Variants in DAPK1 observed in about 807,000 individuals in gnomAD.
DAPK1 encodes the protein death-associated protein kinase 1.
In DAPK1, 56 loss-of-function variants were observed where a neutral mutation model predicts 144.9. That is an observed-to-expected ratio of 0.39 (90% CI 0.31 to 0.48). The LOEUF (loss-of-function observed/expected upper bound fraction) is 0.48. Among genes scored for constraint, DAPK1 ranks in the 20% least tolerant of loss-of-function variants. The probability of loss-of-function intolerance (pLI) is 0.95; values close to 1 mark genes in which losing one functional copy is unlikely to be tolerated. For synonymous variants in DAPK1, 690 were observed against 749.0 expected (o/e 0.92, Z 1.29); for missense variants, 1,454 against 1,875.4 (o/e 0.78, Z 4.15).
At chr9:87,522,539 T>G (rs1259357895) in intron 2 of DAPK1, among the ~76,000 whole-genome samples, 1 of 152,262 alleles carries the variant, frequency 6.6e-6, no homozygotes, top group African/African-American at 2.4e-5. Flanking sequence ...GTCATTTATT[T>G]AACCCTTTCT....
At chr9:87,637,829 C>T in intron 3 of DAPK1, 114 bp from the exon 4 acceptor site, 2 of 1,178,278 alleles carry the variant, frequency 1.7e-6, no homozygotes, top group South Asian at 1.8e-5. Context: ...GCGGTTTCAG[C>T]ATAGTCTTTA....
intron 2 of DAPK1, among the ~76,000 whole-genome samples, chr9:87,517,654 G>A (rs1825114096): frequency 6.6e-6 from 1 of 152,176 alleles, no homozygotes; most frequent in South Asian, 2.1e-4. Flanking sequence ...TTGCCGAAAA[G>A]TTCCTTAAGA....
intron 2 of DAPK1, among the ~76,000 whole-genome samples, chr9:87,564,070 T>C (rs1233678725): frequency 1.3e-5 from 2 of 152,254 alleles, no homozygotes; most frequent in Non-Finnish European, 2.9e-5. Flanking sequence ...ACCCAGGTGC[T>C]TCTCCGGATT....
chr9:87,674,856 G>A (rs1176253435), intron 19 of DAPK1, among the ~76,000 whole-genome samples: 1 of 152,124 alleles, frequency 6.6e-6, no homozygotes, highest in Non-Finnish European at 1.5e-5. Context: ...AAACAGTACT[G>A]GAAGAAAGAA....
intron 17 of DAPK1, among the ~76,000 whole-genome samples, chr9:87,655,732 G>A (rs1312066462): frequency 3.3e-5 from 5 of 152,292 alleles, no homozygotes; most frequent in Admixed American, 3.3e-4. Context: ...TTAACTTGCC[G>A]TGTTAGAAAG....
chr9:87,525,318 T>G (rs1333338159), intron 2 of DAPK1: 21 of 1,609,468 alleles, frequency 1.3e-5, no homozygotes, highest in Non-Finnish European at 1.7e-5. Context: ...CACCAGCAGC[T>G]GTACTGGAGC....
rs981417538 is a variant in DAPK1, at chr9:87,570,617, A to AG, written c.63-34334dup. ...GTAGTCTATGTGACACCTACAAACAAGGGACTGCTTGAGGAGTGAAAACCT... is the reference window on the plus strand; with the variant it reads ...GTAGTCTATGTGACACCTACAAACAAGGGGACTGCTTGAGGAGTGAAAACCT... On this transcript the variant is annotated intron_variant, in intron 2 of 25. Transcript: ENST00000408954. Among the ~76,000 whole-genome samples the AG allele has an allele frequency of 1.6e-4, 25 of 152,338 alleles. 1 individual carries two copies. Among genetic ancestry groups the AG allele is most frequent in the African/African-American group, 5.8e-4 (24 of 41,584 alleles).
intron 3 of DAPK1, among the ~76,000 whole-genome samples, chr9:87,620,928 T>C (rs568303727): frequency 6.6e-6 from 1 of 152,294 alleles, no homozygotes; most frequent in African/African-American, 2.4e-5. Flanking sequence ...TAATTATTTC[T>C]GTGGGTCTCC....
chr9:87,503,200 G>A (rs74358006), intron 2 of DAPK1, among the ~76,000 whole-genome samples: 5,781 of 152,096 alleles, frequency 0.038, 354 homozygotes, highest in African/African-American at 0.13. Flanking sequence ...CACCTACTAA[G>A]TGTGATGTGT....
chr9:87,571,519 ACACACACAC>A (rs1827358042), intron 2 of DAPK1, among the ~76,000 whole-genome samples: 7 of 140,314 alleles, frequency 5.0e-5, no homozygotes, highest in Non-Finnish European at 6.3e-5. Context: ...ACACACACAC[ACACACACAC>A]CAGAAGCGAA....
chr9:87,646,516 A>T lies in DAPK1; in HGVS notation c.1187A>T (p.Gln396Leu), dbSNP rs769113422. The change falls in exon 13 of 26, where the codon CAG becomes CTG. Residue 396 changes from glutamine (Q) to leucine (L), a missense_variant. Coordinates refer to ENST00000408954, the MANE Select transcript of DAPK1 (RefSeq NM_004938.4). ...GGCTGTGGGAATATTCAAATACTAC[A>T]GTTGCTCATTAAAAGAGGCTCGAGA... ...AAGCGNIQILQLLIKRGSRID... is the reference protein window; with the variant it reads ...AAGCGNIQILLLLIKRGSRID... 1.2e-6 allele frequency: 2 copies of T among 1,613,912 alleles called. No individual in the cohort carries two copies.
chr9:87,545,219 A>G (rs142875592), intron 2 of DAPK1, among the ~76,000 whole-genome samples: 37 of 152,220 alleles, frequency 2.4e-4, no homozygotes, highest in African/African-American at 8.2e-4. Context: ...TGATCTCCCC[A>G]ATTCTCCTTG....
chr9:87,650,843 C>T (rs887623084), intron 16 of DAPK1, among the ~76,000 whole-genome samples: 13 of 152,296 alleles, frequency 8.5e-5, no homozygotes, highest in African/African-American at 3.1e-4. Flanking sequence ...TACTAAACAT[C>T]CTGCAGCTCA....
At chr9:87,635,480 G>A (rs1564034486) in intron 3 of DAPK1, among the ~76,000 whole-genome samples, 1 of 152,158 alleles carries the variant, frequency 6.6e-6, no homozygotes, top group African/African-American at 2.4e-5. Context: ...AGAAGTTTCA[G>A]TTCCTTCCCC....
Position 87,662,560 on chromosome 9 carries a change from GT to G in DAPK1, c.1923+4458del, listed in dbSNP as rs71507734. Among the ~76,000 whole-genome samples, 109 of 32,130 alleles carry G rather than the reference GT, an allele frequency of 3.4e-3. No homozygotes were observed. In the East Asian group the frequency reaches 0.035, roughly 10 times the overall value. 21.1% of individuals were successfully genotyped at this position (32,130 alleles called of 152,430 possible). ...ACCTCCTTGGTTAAATATATTCCTA[GT>G]TTTTTTTTTTTTTTTTTTTTTTTTG... On this transcript the variant is annotated intron_variant, in intron 18 of 25. Coordinates refer to ENST00000408954, the MANE Select transcript of DAPK1 (RefSeq NM_004938.4).
At position 87,658,095 on chromosome 9, in the gene DAPK1, C is replaced by A; in HGVS notation, c.1891C>A (p.Leu631Met). Residue 631 changes from leucine (L) to methionine (M), a missense_variant, in exon 18 of 26, where the codon CTG (leucine) becomes ATG (methionine). By Grantham distance (15) the Leu-to-Met change is conservative (BLOSUM62 2). This residue lies in a region of DAPK1 where 1,025 missense variants were observed against 1,237.9 expected (regional missense o/e 0.83). Transcript: ENST00000408954. ...GILDVVRYLC[L>M]MGASVEALTT... Reference sequence around the variant, plus strand: ...CCTAGACGTGGTCCGGTATCTCTGTCTGATGGGAGCCAGCGTTGAGGCGCT... The same window carrying A: ...CCTAGACGTGGTCCGGTATCTCTGTATGATGGGAGCCAGCGTTGAGGCGCT... 1.3e-6 allele frequency: 2 copies of A among 1,526,454 alleles called. No homozygotes were observed. The highest frequency in any genetic ancestry group is 1.8e-6 in the Non-Finnish European group (2 of 1,101,072). The allele number at this position is 1,526,454 out of a possible 1,614,324, so 94.6% of individuals were successfully genotyped here.
intron 7 of DAPK1, among the ~76,000 whole-genome samples, 191 bp from the exon 8 acceptor site, chr9:87,640,104 CTTG>C (rs1830044844): frequency 2.0e-5 from 3 of 152,190 alleles, no homozygotes; most frequent in Admixed American, 6.5e-5. Flanking sequence ...TCCAGATTAA[CTTG>C]TTAAGTGAAT....
intron 14 of DAPK1, among the ~76,000 whole-genome samples, chr9:87,647,851 T>C (rs1564044818): frequency 6.6e-6 from 1 of 151,426 alleles, no homozygotes; most frequent in African/African-American, 2.4e-5. Context: ...AAAGTAAGGC[T>C]TTTTTTTGGC....
At chr9:87,603,313 G>A (rs1828593887) in intron 2 of DAPK1, among the ~76,000 whole-genome samples, 1 of 152,130 alleles carries the variant, frequency 6.6e-6, no homozygotes, top group South Asian at 2.1e-4. Context: ...TTGGATTTTG[G>A]TTGTAATGAA....
Sources: allele counts gnomAD v4.1 joint callset (sites outside exome capture counted in the v4.1 genomes callset), GRCh38; gene constraint gnomAD v4.1.1; regional missense constraint gnomAD v4.1.1; transcripts MANE v1.5; gene names NCBI Gene and HGNC (gene_info 2026-07-23, HGNC 2026-07-21).